The following EXTL2 variants were observed in gnomAD, a reference collection of about 807,000 sequenced individuals.
EXTL2 encodes the protein exostosin-like 2.
EXTL2 carries 23 observed loss-of-function variants against 30.7 expected under a neutral mutation model. The observed-to-expected ratio is 0.75, with a 90% CI of 0.54 to 1.06. EXTL2 has a LOEUF of 1.06. EXTL2 is among the 50% of genes least tolerant of loss of function. The pLI, the probability that EXTL2 is intolerant of heterozygous loss-of-function variation, is 0.00. For missense variants in EXTL2, 352 were observed against 396.3 expected (o/e 0.89, Z 0.95); for synonymous variants, 123 against 133.8 (o/e 0.92, Z 0.56).
At chr1:100,894,123 A>G (rs1371187367) in intron 1 of EXTL2, among the ~76,000 whole-genome samples, 1 of 152,170 alleles carries the variant, frequency 6.6e-6, no homozygotes, top group African/African-American at 2.4e-5. Flanking sequence ...GCTGGAAATC[A>G]GTTGCTGAAA....
Position 100,876,778 on chromosome 1 carries a change from G to A in EXTL2, c.504+16C>T, listed in dbSNP as rs1465603070. ...ATCTTATAAAGACGGTTTCATAAAAGAGACAGCAACATTACCTGCCAAACT... is the reference window on the plus strand; with the variant it reads ...ATCTTATAAAGACGGTTTCATAAAAAAGACAGCAACATTACCTGCCAAACT... On this transcript the variant is annotated intron_variant, in intron 4 of 4. Coordinates refer to ENST00000370114, the MANE Select transcript of EXTL2 (RefSeq NM_001033025.3). 1 of 1,601,650 alleles carries A rather than the reference G, an allele frequency of 6.2e-7. No homozygotes were observed. The highest frequency in any genetic ancestry group is 1.7e-5 in the Admixed American group (1 of 59,828).
intron 2 of EXTL2, chr1:100,878,578 T>C: frequency 2.4e-6 from 1 of 415,818 alleles, no homozygotes; most frequent in Admixed American, 2.7e-5. Flanking sequence ...GAAGAGAATC[T>C]GTTTATAAAA....
At chr1:100,878,916 C>T (rs923108095) in intron 2 of EXTL2, among the ~76,000 whole-genome samples, 7 of 151,934 alleles carry the variant, frequency 4.6e-5, no homozygotes, top group Non-Finnish European at 7.4e-5. Context: ...TTCCACAACT[C>T]GATCTCTCAC....
intron 2 of EXTL2, chr1:100,885,997 A>G (rs1649935981): frequency 6.6e-6 from 1 of 152,254 alleles, no homozygotes; most frequent in Non-Finnish European, 1.5e-5. Context: ...ATAATAATAA[A>G]AGAGTCCATG....
chr1:100,874,572 T>C lies in EXTL2; in HGVS notation c.505-142A>G, dbSNP rs140811586. ...CTGGTTTCTACATTTCAGTTTTATC[T>C]AGCTCCAGGTAACTTCATAAATCTG... On this transcript the variant is annotated intron_variant, in intron 4 of 4. Coordinates refer to ENST00000370114, the MANE Select transcript of EXTL2 (RefSeq NM_001033025.3). The C allele has an allele frequency of 1.7e-4, 121 of 702,532 alleles. No homozygotes were observed. In the African/African-American group the frequency reaches 1.8e-3, roughly 11 times the overall value. 43.5% of individuals were successfully genotyped at this position (702,532 alleles called of 1,614,324 possible). A position where few individuals can be genotyped will look rare whatever the true frequency, so the allele number is the denominator to read the frequency against.
rs566911332 is a variant in EXTL2 at position 100,894,751 on chromosome 1, G to A, written c.-190C>T. On this transcript the variant is annotated 5_prime_UTR_variant, in exon 1 of 5. It adds an upstream start codon to the 5' untranslated region. Transcript: ENST00000370114. ...TGTTTTTTTTTCTAAACCAAGTAGC[G>A]TGCATCTATCCTTCTCCATTAGCTG... The A allele has an allele frequency of 2.0e-5, 3 of 152,080 alleles. No individual in the cohort carries two copies. Among genetic ancestry groups the A allele is most frequent in the African/African-American group, 7.2e-5 (3 of 41,458 alleles). The allele number at this position is 152,080 out of a possible 1,614,324, so 9.4% of individuals were successfully genotyped here.
At chr1:100,890,456 C>G (rs1375156736) in intron 1 of EXTL2, among the ~76,000 whole-genome samples, 1 of 152,224 alleles carries the variant, frequency 6.6e-6, no homozygotes, top group Non-Finnish European at 1.5e-5. Flanking sequence ...GTTACTTATG[C>G]AAATTCCTGC....
chr1:100,882,264 A>C (rs904040498), intron 2 of EXTL2, among the ~76,000 whole-genome samples: 5 of 152,194 alleles, frequency 3.3e-5, no homozygotes, highest in African/African-American at 1.2e-4. Context: ...TCACAACTAG[A>C]GGGGAGATAC....
intron 1 of EXTL2, 80 bp from the exon 2 acceptor site, chr1:100,888,908 C>T (rs569540230): frequency 1.3e-4 from 63 of 496,382 alleles, no homozygotes; most frequent in Non-Finnish European, 2.0e-4. Context: ...AAAAATGGTG[C>T]TTTCAATGCC....
At position 100,894,653 on chromosome 1, in the gene EXTL2, G is replaced by C. The variant is rs1443783431; in HGVS notation, c.-92C>G. The stretch of plus-strand genomic sequence containing the variant: ...CTTACCTCGAGTGCAGTAGATTGCA[G>C]TAGGGCCAGCCGATTTATTTCCCTG... On this transcript the variant is annotated 5_prime_UTR_variant, in exon 1 of 5. Transcript: ENST00000370114. 6.6e-6 allele frequency: 1 copy of C among 152,196 alleles called. No homozygotes were observed. The highest frequency in any genetic ancestry group is 1.5e-5 in the Non-Finnish European group (1 of 68,042). 9.4% of individuals were successfully genotyped at this position (152,196 alleles called of 1,614,324 possible).
chr1:100,876,095 T>A (rs889876627), intron 4 of EXTL2, among the ~76,000 whole-genome samples: 2 of 152,040 alleles, frequency 1.3e-5, no homozygotes, highest in African/African-American at 4.8e-5. Flanking sequence ...TGGCATAAAT[T>A]CGATCATTTA....
At chr1:100,878,778 A>T (rs1649329453) in intron 2 of EXTL2, among the ~76,000 whole-genome samples, 1 of 152,104 alleles carries the variant, frequency 6.6e-6, no homozygotes, top group African/African-American at 2.4e-5. Context: ...AAGATTACCA[A>T]GTAATTTCAG....
In EXTL2 at chr1:100,894,820, G is replaced by C. The variant is rs1650426090; in HGVS notation, c.-259C>G. 6.6e-6 allele frequency: 1 copy of C among 152,114 alleles called. No homozygotes were observed. The highest frequency in any genetic ancestry group is 6.5e-5 in the Admixed American group (1 of 15,274). 9.4% of individuals were successfully genotyped at this position (152,114 alleles called of 1,614,324 possible). ...AGTGCCGCCCGCAAAGTGAGCGCCT[G>C]GAGCAAGGGACAGTCCCCGAGTGGC... On this transcript the variant is annotated 5_prime_UTR_variant, in exon 1 of 5. Transcript: ENST00000370114.
At position 100,877,567 on chromosome 1, in the gene EXTL2, T is replaced by C. The variant is rs140463787; in HGVS notation, c.342A>G (p.Leu114=). 5.0e-6 allele frequency: 8 copies of C among 1,613,384 alleles called. No individual in the cohort carries two copies. Among genetic ancestry groups the C allele is most frequent in the Non-Finnish European group, 6.8e-6 (8 of 1,179,544 alleles). Residue 114 remains leucine (L), a synonymous_variant, in exon 3 of 5, where the codon CTA becomes CTG. Coordinates refer to ENST00000370114, the MANE Select transcript of EXTL2 (RefSeq NM_001033025.3). This position sits in a 1 kb window ranked among gnomAD's most constrained non-coding sequence, Gnocchi z 4.1. ...AGATCACAGGGATAGGGTGGGGCCCTAGAGAATTCCATAATTCATCTGGTG... is the reference window on the plus strand; with the variant it reads ...AGATCACAGGGATAGGGTGGGGCCCCAGAGAATTCCATAATTCATCTGGTG... The part of the protein sequence containing the change: ...EKAPDELWNS[L]GPHPIPVIFK...
chr1:100,873,519 C>A lies in EXTL2; in HGVS notation c.*423G>T, dbSNP rs1349245268. On this transcript the variant is annotated 3_prime_UTR_variant, in exon 5 of 5. Coordinates refer to ENST00000370114, the MANE Select transcript of EXTL2 (RefSeq NM_001033025.3). Reference sequence around the variant, plus strand: ...TCTTACATGGCTTTACCCCATACCACAGGCTTTTGCTAAAGAGGCATTTCA... The same window carrying A: ...TCTTACATGGCTTTACCCCATACCAAAGGCTTTTGCTAAAGAGGCATTTCA... 5.0e-5 allele frequency: 8 copies of A among 158,618 alleles called. No individual in the cohort carries two copies. Among genetic ancestry groups the A allele is most frequent in the Non-Finnish European group, 8.4e-5 (6 of 71,694 alleles). The allele number at this position is 158,618 out of a possible 1,614,324, so 9.8% of individuals were successfully genotyped here.
rs202030132 is a variant in EXTL2 at position 100,891,312 on chromosome 1, T to C, written c.-71-2484A>G. On this transcript the variant is annotated intron_variant, in intron 1 of 4. Transcript: ENST00000370114. ...AATTATGACCGTATTATTGTTTTTA[T>C]GTAAGCATGCAATGGGTTCACCTTG... Among the ~76,000 whole-genome samples the C allele has an allele frequency of 2.6e-5, 4 of 152,226 alleles. No homozygotes were observed. In the East Asian group the frequency reaches 5.8e-4, roughly 22 times the overall value.
chr1:100,892,786 T>C (rs1294102305), intron 1 of EXTL2, among the ~76,000 whole-genome samples: 1 of 152,244 alleles, frequency 6.6e-6, no homozygotes, highest in Non-Finnish European at 1.5e-5. Context: ...ATCCAGTTTC[T>C]AGATTTATAT....
intron 1 of EXTL2, among the ~76,000 whole-genome samples, chr1:100,889,674 A>G (rs1391107577): frequency 6.6e-6 from 1 of 152,354 alleles, no homozygotes; most frequent in Non-Finnish European, 1.5e-5. Flanking sequence ...GCCAAAAAAA[A>G]GGGGCCACAG....
chr1:100,889,747 C>A (rs1650273609), intron 1 of EXTL2, among the ~76,000 whole-genome samples: 1 of 152,204 alleles, frequency 6.6e-6, no homozygotes, highest in African/African-American at 2.4e-5. Flanking sequence ...TAAATAATCT[C>A]CTTTGACTCT....
Sources: gnomAD v4.1 joint callset for allele counts (sites outside exome capture counted in the v4.1 genomes callset) on GRCh38, gnomAD v4.1.1 for gene constraint, Gnocchi (gnomAD v3.1) non-coding constraint, MANE v1.5 for transcripts, NCBI Gene and HGNC (gene_info 2026-07-23, HGNC 2026-07-21) for gene names.